Variants in ADK observed in about 807,000 individuals in gnomAD.
The protein encoded by ADK is N6,N6-dimethyladenosine kinase.
In ADK, 24 loss-of-function variants were observed where a neutral mutation model predicts 44.7. That is an observed-to-expected ratio of 0.54 (90% confidence interval 0.39 to 0.76). The LOEUF (loss-of-function observed/expected upper bound fraction) is 0.76, where lower values mean the gene tolerates loss of function less well. Among genes scored for constraint, ADK ranks in the 30% least tolerant of loss-of-function variants. ADK has a pLI of 0.00. For missense variants in ADK, 321 were observed against 425.1 expected (o/e 0.76, Z 2.15); for synonymous variants, 128 against 142.6 (o/e 0.90, Z 0.73).
chr10:74,705,421 C>T (rs556995516), intron 10 of ADK, among the ~76,000 whole-genome samples: 10 of 151,954 alleles, frequency 6.6e-5, no homozygotes, highest in South Asian at 4.1e-4. Flanking sequence ...ATACAATAAA[C>T]GGTATGAATC....
At chr10:74,459,248 TC>T (rs1303225797) in intron 6 of ADK, among the ~76,000 whole-genome samples, 1 of 150,330 alleles carries the variant, frequency 6.7e-6, no homozygotes, top group African/African-American at 2.5e-5. Flanking sequence ...ACCATTGCAC[TC>T]CAGCCTGGGC....
At chr10:74,279,333 T>TA in intron 3 of ADK, among the ~76,000 whole-genome samples, 1 of 151,974 alleles carries the variant, frequency 6.6e-6, no homozygotes, top group East Asian at 1.9e-4. Flanking sequence ...CTCACGCCTG[T>TA]AATCCCAGCA....
intron 6 of ADK, chr10:74,506,734 T>C (rs1175425993): frequency 6.6e-6 from 1 of 152,270 alleles, no homozygotes; most frequent in East Asian, 1.9e-4. Flanking sequence ...CCGTGTATGG[T>C]CTGTAAGTGT....
intron 9 of ADK, among the ~76,000 whole-genome samples, chr10:74,615,615 T>A (rs961396474): frequency 3.9e-5 from 6 of 152,212 alleles, no homozygotes; most frequent in Admixed American, 1.3e-4. Flanking sequence ...GTAATAGACC[T>A]CATAATGATT....
intron 6 of ADK, among the ~76,000 whole-genome samples, chr10:74,481,521 T>C (rs1269289799): frequency 1.3e-5 from 2 of 152,202 alleles, no homozygotes; most frequent in African/African-American, 2.4e-5. Context: ...CCCAGCCAGT[T>C]TGTGTTTCAC....
chr10:74,309,969 A>G (rs1363794427), intron 3 of ADK, among the ~76,000 whole-genome samples: 1 of 152,102 alleles, frequency 6.6e-6, no homozygotes, highest in Non-Finnish European at 1.5e-5. Context: ...TAATATTACT[A>G]TATTCATCTT....
intron 9 of ADK, among the ~76,000 whole-genome samples, chr10:74,653,991 T>C (rs1854383769): frequency 6.6e-6 from 1 of 152,260 alleles, no homozygotes. Flanking sequence ...ATTTCTTCTA[T>C]GTCATAAAGA....
intron 3 of ADK, among the ~76,000 whole-genome samples, chr10:74,312,722 A>G (rs1180833689): frequency 6.7e-6 from 1 of 149,918 alleles, no homozygotes; most frequent in African/African-American, 2.4e-5. Context: ...GCTGGGCAAC[A>G]TGGTGAAGCC....
intron 2 of ADK, among the ~76,000 whole-genome samples, chr10:74,205,818 G>GA (rs536202889): frequency 2.6e-5 from 4 of 151,508 alleles, no homozygotes; most frequent in African/African-American, 4.9e-5. Flanking sequence ...TATTCCTGAT[G>GA]AAAAAAAATA....
intron 7 of ADK, among the ~76,000 whole-genome samples, chr10:74,575,446 A>G (rs965892593): frequency 3.3e-5 from 5 of 152,218 alleles, no homozygotes; most frequent in African/African-American, 1.2e-4. Context: ...AACATGAACA[A>G]TTCAAGAAGA....
At chr10:74,440,676 C>T (rs928617384) in intron 6 of ADK, among the ~76,000 whole-genome samples, 2 of 152,080 alleles carry the variant, frequency 1.3e-5, no homozygotes, top group Admixed American at 1.3e-4. Flanking sequence ...GTCAAAGGCA[C>T]ACTGAGAACT....
At chr10:74,342,911 T>C (rs576224232) in intron 4 of ADK, among the ~76,000 whole-genome samples, 7 of 152,242 alleles carry the variant, frequency 4.6e-5, no homozygotes, top group African/African-American at 1.7e-4. Flanking sequence ...AACAAAACCA[T>C]GTCATCTGTG....
chr10:74,322,888 A>G (rs1840865901), intron 4 of ADK, among the ~76,000 whole-genome samples: 1 of 151,894 alleles, frequency 6.6e-6, no homozygotes, highest in African/African-American at 2.4e-5. Context: ...TTATGTTAAG[A>G]AATTGTTTTA....
intron 4 of ADK, among the ~76,000 whole-genome samples, chr10:74,336,248 C>A (rs1564660243): frequency 6.6e-6 from 1 of 152,076 alleles, no homozygotes; most frequent in Admixed American, 6.5e-5. Context: ...TTTGCTTTGG[C>A]ATATGGATAT....
chr10:74,464,662 T>G (rs905955635), intron 6 of ADK, among the ~76,000 whole-genome samples: 12 of 152,148 alleles, frequency 7.9e-5, no homozygotes, highest in African/African-American at 2.9e-4. Context: ...TCCCAAAAAC[T>G]TTTTAATTAT....
At chr10:74,489,539 A>T (rs1261245093) in intron 6 of ADK, among the ~76,000 whole-genome samples, 2 of 151,938 alleles carry the variant, frequency 1.3e-5, no homozygotes, top group Non-Finnish European at 2.9e-5. Context: ...TTTCAATTAA[A>T]TTCTGATTTT....
At chr10:74,323,659 CT>C (rs1840895319) in intron 4 of ADK, among the ~76,000 whole-genome samples, 1 of 151,676 alleles carries the variant, frequency 6.6e-6, no homozygotes, top group African/African-American at 2.4e-5. Context: ...TAATCTCCAC[CT>C]CCCGGGGTCA....
chr10:74,673,385 G>T (rs948240949), intron 10 of ADK, among the ~76,000 whole-genome samples: 5 of 152,228 alleles, frequency 3.3e-5, no homozygotes, highest in Non-Finnish European at 7.3e-5. Context: ...GGCAGAAATT[G>T]CAGTGTGTGG....
chr10:74,367,146 CT>C (rs571594236), intron 4 of ADK, among the ~76,000 whole-genome samples: 332 of 152,246 alleles, frequency 2.2e-3, no homozygotes, highest in Non-Finnish European at 2.4e-3. Context: ...ATGAAACCAG[CT>C]TTAATTTAGT....
Sources: allele counts gnomAD v4.1 joint callset (sites outside exome capture counted in the v4.1 genomes callset), GRCh38; gene constraint gnomAD v4.1.1; transcripts MANE v1.5; gene names NCBI Gene and HGNC (gene_info 2026-07-23, HGNC 2026-07-21).